Variants in FOXP2 observed in about 807,000 individuals in gnomAD.
FOXP2 encodes the protein forkhead box P2, also known as forkhead box protein P2.
In FOXP2, 12 loss-of-function variants were observed where a neutral mutation model predicts 115.8. That is an observed-to-expected ratio of 0.10 (90% CI 0.07 to 0.17). The LOEUF (loss-of-function observed/expected upper bound fraction) is 0.17. FOXP2 is among the 10% of genes least tolerant of loss of function. The pLI is 1.00. For missense variants in FOXP2, 629 were observed against 843.5 expected (o/e 0.75, Z 3.15); for synonymous variants, 328 against 297.7 (o/e 1.10, Z -1.05).
At chr7:114,596,098 C>T (rs1282397716) in intron 3 of FOXP2, among the ~76,000 whole-genome samples, 1 of 147,374 alleles carries the variant, frequency 6.8e-6, no homozygotes, top group East Asian at 2.1e-4. Context: ...ATTATCAAAA[C>T]ACAGTGATTA....
chr7:114,519,620 G>T (rs1798512792), intron 2 of FOXP2, among the ~76,000 whole-genome samples: 1 of 152,114 alleles, frequency 6.6e-6, no homozygotes, highest in Admixed American at 6.6e-5. Context: ...TTATGTAAAT[G>T]AAGATAATTA....
intron 1 of FOXP2, among the ~76,000 whole-genome samples, chr7:114,223,115 C>T (rs1335906356): frequency 6.6e-6 from 1 of 152,008 alleles, no homozygotes; most frequent in Non-Finnish European, 1.5e-5. Flanking sequence ...TTCCCTGGGG[C>T]CTTTCCTTAG....
At chr7:114,405,805 G>T (rs1352011646) in intron 2 of FOXP2, among the ~76,000 whole-genome samples, 1 of 151,792 alleles carries the variant, frequency 6.6e-6, no homozygotes, top group Non-Finnish European at 1.5e-5. Context: ...TTTCTGGTAT[G>T]ATATTTCTGG....
At chr7:114,530,585 G>A (rs568924365) in intron 2 of FOXP2, among the ~76,000 whole-genome samples, 44 of 151,548 alleles carry the variant, frequency 2.9e-4, no homozygotes, top group South Asian at 1.5e-3. Flanking sequence ...GTTTTACTGC[G>A]TATTTCTAAA....
intron 2 of FOXP2, among the ~76,000 whole-genome samples, chr7:114,390,023 C>CAAAAAAAAAAA (rs11311566): frequency 3.2e-5 from 3 of 93,188 alleles, no homozygotes; most frequent in Non-Finnish European, 6.0e-5. Context: ...CATTCAGTGT[C>CAAAAAAAAAAA]AAAAAAAAAA....
At chr7:114,410,047 T>TA (rs895934188), upstream of FOXP2, among the ~76,000 whole-genome samples, 24 of 152,136 alleles carry the variant, frequency 1.6e-4, no homozygotes, top group Non-Finnish European at 1.5e-4. Flanking sequence ...TATTTCCTCT[T>TA]AAAAAAATCC....
At chr7:114,652,693 A>G (rs117027420) in intron 9 of FOXP2, among the ~76,000 whole-genome samples, 294 of 152,230 alleles carry the variant, frequency 1.9e-3, no homozygotes, top group Non-Finnish European at 3.2e-3. Context: ...TCTTTACAAT[A>G]TCATGCCTGT....
intron 2 of FOXP2, among the ~76,000 whole-genome samples, chr7:114,301,103 A>G (rs1796869761): frequency 6.6e-6 from 1 of 152,066 alleles, no homozygotes; most frequent in Non-Finnish European, 1.5e-5. Context: ...TCTTAACGAA[A>G]TAGTCATATA....
At chr7:114,492,452 A>G (rs955215375) in intron 2 of FOXP2, among the ~76,000 whole-genome samples, 6 of 152,072 alleles carry the variant, frequency 3.9e-5, no homozygotes, top group African/African-American at 1.2e-4. Flanking sequence ...GCCTTCTGCT[A>G]GTTTTTGAAT....
chr7:114,386,210 A>G (rs1297348667), intron 2 of FOXP2, among the ~76,000 whole-genome samples: 1 of 152,248 alleles, frequency 6.6e-6, no homozygotes, highest in Admixed American at 6.5e-5. Context: ...TCGAGCCATA[A>G]CAAATGTGGA....
chr7:114,447,674 A>C (rs1293681695), intron 2 of FOXP2, among the ~76,000 whole-genome samples: 1 of 152,158 alleles, frequency 6.6e-6, no homozygotes, highest in East Asian at 1.9e-4. Context: ...ATTCCTATTC[A>C]TATTTTGAAT....
intron 2 of FOXP2, among the ~76,000 whole-genome samples, chr7:114,389,739 T>A (rs1214268392): frequency 1.3e-5 from 2 of 152,026 alleles, no homozygotes; most frequent in African/African-American, 2.4e-5. Flanking sequence ...GCATATCAAG[T>A]TTGGCCGGGC....
chr7:114,447,019 G>A (rs1267164345), intron 2 of FOXP2, among the ~76,000 whole-genome samples: 1 of 151,890 alleles, frequency 6.6e-6, no homozygotes, highest in East Asian at 1.9e-4. Flanking sequence ...CAAAGTGCTG[G>A]GACTACAAGC....
chr7:114,414,941 C>G lies in FOXP2; in HGVS notation c.-430C>G. 1 of 404,206 alleles carries G rather than the reference C, an allele frequency of 2.5e-6. No homozygotes were observed. The allele number at this position is 404,206 out of a possible 1,614,324, so 25.0% of individuals were successfully genotyped here. ...ACACATGCACACACACACATACACA[C>G]ACACAAAAATGAAGCACTTACTTTA... is the stretch of plus-strand genomic sequence containing the variant. On this transcript the variant is annotated 5_prime_UTR_variant, in exon 1 of 17. Transcript: ENST00000350908.
In FOXP2 at chr7:114,511,447, A is replaced by T. The variant is rs1798069818; in HGVS notation, c.169-23170A>T. 2.6e-5 allele frequency among the ~76,000 whole-genome samples: 4 copies of T among 152,180 alleles called. No individual in the cohort carries two copies. The South Asian group carries it at 8.3e-4, about 31-fold the overall frequency. On this transcript the variant is annotated intron_variant, in intron 2 of 16. Transcript: ENST00000350908. ...CTGCAATGAAAAAAGAAAGGAATCA[A>T]AAAAAGACTCTTGCAAAGGAAAGCT...
chr7:114,143,146 TCAA>T (rs1035917183), intron 1 of FOXP2, among the ~76,000 whole-genome samples: 10 of 107,772 alleles, frequency 9.3e-5, no homozygotes, highest in African/African-American at 3.5e-4. Context: ...AGACCCTGTC[TCAA>T]TAATAATAAT....
At chr7:114,389,466 G>A (rs543373264) in intron 2 of FOXP2, among the ~76,000 whole-genome samples, 9 of 152,296 alleles carry the variant, frequency 5.9e-5, no homozygotes, top group Admixed American at 1.3e-4. Flanking sequence ...GGTTGGCAGC[G>A]TTTTGTAAAA....
At chr7:114,687,427 T>C (rs1267239252) in intron 16 of FOXP2, among the ~76,000 whole-genome samples, 1 of 152,234 alleles carries the variant, frequency 6.6e-6, no homozygotes, top group Non-Finnish European at 1.5e-5. Flanking sequence ...CATTTATTTC[T>C]GACTTCATAA....
intron 2 of FOXP2, among the ~76,000 whole-genome samples, chr7:114,532,778 C>T (rs970643805): frequency 6.6e-6 from 1 of 151,528 alleles, no homozygotes; most frequent in African/African-American, 2.4e-5. Flanking sequence ...AAAAAAACTA[C>T]ATGAAAACAA....
Sources: gnomAD v4.1 joint callset for allele counts (sites outside exome capture counted in the v4.1 genomes callset) on GRCh38, gnomAD v4.1.1 for gene constraint, MANE v1.5 for transcripts, NCBI Gene and HGNC (gene_info 2026-07-23, HGNC 2026-07-21) for gene names.